PRPS2: variants seen among roughly 807,000 people sequenced by gnomAD.
PRPS2 encodes phosphoribosyl pyrophosphate synthetase 2.
For missense variants in PRPS2, 104 were observed against 271.5 expected, an observed-to-expected ratio of 0.38 and a Z score of 4.34; for synonymous variants, 111 against 115.3, an observed-to-expected ratio of 0.96 and a Z score of 0.24.
intron 4 of PRPS2, among the ~76,000 whole-genome samples, chrX:12,811,541 A>G (rs777772141): frequency 2.9e-4 from 32 of 111,770 alleles, no homozygotes; most frequent in Non-Finnish European, 5.7e-4. Context: ...TTGTGTAGGT[A>G]GAGACCTCCA....
chrX:12,820,559 C>G, intron 5 of PRPS2, 85 bp from the exon 6 acceptor site: 1 of 1,002,512 alleles, frequency 1.0e-6, no homozygotes, highest in East Asian at 3.1e-5. Flanking sequence ...ACGGAGCACA[C>G]TTTGTGCTTT....
chrX:12,794,206 GA>G (rs1459096671), intron 1 of PRPS2, among the ~76,000 whole-genome samples: 2 of 112,493 alleles, frequency 1.8e-5, no homozygotes, highest in South Asian at 3.7e-4. Flanking sequence ...GGTCACAGCT[GA>G]GGCGGCTAAC....
intron 4 of PRPS2, among the ~76,000 whole-genome samples, chrX:12,816,650 A>G (rs926707834): frequency 2.7e-5 from 3 of 111,185 alleles, no homozygotes; most frequent in African/African-American, 9.8e-5. Flanking sequence ...CATTATTATT[A>G]TTTTGGTTTT....
intron 2 of PRPS2, among the ~76,000 whole-genome samples, chrX:12,804,896 C>T (rs1289403370): frequency 9.0e-6 from 1 of 110,863 alleles, no homozygotes; most frequent in African/African-American, 3.3e-5. Context: ...GCTGTATTAC[C>T]TATGACATCT....
chrX:12,809,437 A>AT, intron 3 of PRPS2, 105 bp downstream of exon 3: 1 of 818,462 alleles, frequency 1.2e-6, no homozygotes, highest in Non-Finnish European at 1.7e-6. Flanking sequence ...ACTCTCTTGG[A>AT]TTTTTGTCTT....
intron 2 of PRPS2, among the ~76,000 whole-genome samples, chrX:12,807,865 C>CTTT (rs66529320): frequency 3.5e-5 from 2 of 56,842 alleles, no homozygotes; most frequent in Non-Finnish European, 6.1e-5. Context: ...ACATGCATAC[C>CTTT]TTTTTTTTTT....
rs145263759 is a variant in PRPS2, at chrX:12,820,740, G to A, written c.801G>A (p.Glu267=). Residue 267 remains glutamate (E), a synonymous_variant, in exon 6 of 7, where the codon GAG becomes GAA. Transcript: ENST00000380668. ...AISRINNAAF[E]AVVVTNTIPQ... ...CCAGAATAAATAATGCCGCCTTTGA[G>A]GCTGTTGTCGTCACAAACACAATTC... 8.3e-7 allele frequency: 1 copy of A among 1,209,569 alleles called. No homozygotes were observed. Among genetic ancestry groups the A allele is most frequent in the Non-Finnish European group, 1.1e-6 (1 of 895,229 alleles).
intron 4 of PRPS2, among the ~76,000 whole-genome samples, chrX:12,814,093 T>C (rs750191583): frequency 1.0e-5 from 1 of 100,433 alleles, no homozygotes; most frequent in South Asian, 5.7e-4. Flanking sequence ...GTCTAGTTTT[T>C]CCAAAACTAT....
rs749977692 is a variant in PRPS2, at chrX:12,799,185, G to A, written c.123-22G>A. The A allele has an allele frequency of 2.4e-5, 29 of 1,203,225 alleles. No individual in the cohort carries two copies. The Admixed American group carries it at 3.5e-4, about 15-fold the overall frequency. On this transcript the variant is annotated intron_variant, in intron 1 of 6. Coordinates refer to ENST00000380668, the MANE Select transcript of PRPS2 (RefSeq NM_002765.5). The stretch of plus-strand genomic sequence containing the variant: ...ATGCAAATATGCTTCGATATTAACC[G>A]ATGGCAGTTTTCTTTTCCTAGCGTG...
chrX:12,822,517 A>G (rs747715627), intron 6 of PRPS2, among the ~76,000 whole-genome samples, 187 bp from the exon 7 acceptor site: 1 of 112,403 alleles, frequency 8.9e-6, no homozygotes, highest in African/African-American at 3.2e-5. Context: ...GTCTGGTTCA[A>G]CGGGTTGTAA....
chrX:12,798,311 G>A (rs2042553824), intron 1 of PRPS2, among the ~76,000 whole-genome samples: 1 of 112,806 alleles, frequency 8.9e-6, no homozygotes, highest in Admixed American at 9.4e-5. Context: ...AATCTTTAAT[G>A]TGAATATTGA....
Position 12,816,127 on chromosome X carries a change from T to C in PRPS2, c.531-3380T>C, listed in dbSNP as rs143904119. Among the ~76,000 whole-genome samples the C allele has an allele frequency of 3.3e-4, 37 of 111,986 alleles. 1 individual carries two copies. Among genetic ancestry groups the C allele is most frequent in the African/African-American group, 1.2e-3 (36 of 30,882 alleles). On this transcript the variant is annotated intron_variant, in intron 4 of 6. Transcript: ENST00000380668. ...AAGAATGAGTGTTTTAAGGGTAGGA[T>C]GAGTGTTCTAAGGGTAGGAGAAACA...
intron 6 of PRPS2, among the ~76,000 whole-genome samples, chrX:12,821,452 G>C (rs957244504): frequency 1.6e-4 from 17 of 109,179 alleles, no homozygotes; most frequent in African/African-American, 5.0e-4. Context: ...GTCTGGGGGT[G>C]GGGGGGGCAG....
intron 1 of PRPS2, among the ~76,000 whole-genome samples, chrX:12,792,480 T>TGGTGGAGCCTGAGGTGGCCATCCTCA (rs2042524824): frequency 8.9e-6 from 1 of 112,045 alleles, no homozygotes; most frequent in South Asian, 3.7e-4. Context: ...GAGCCTCAGG[T>TGGTGGAGCCTGAGGTGGCCATCCTCA]GGTGGCCATC....
intron 1 of PRPS2, among the ~76,000 whole-genome samples, chrX:12,796,099 T>TAGA (rs1194154776): frequency 9.0e-6 from 1 of 111,673 alleles, no homozygotes; most frequent in Non-Finnish European, 1.9e-5. Flanking sequence ...CAGGCTGGAC[T>TAGA]AGAACTCCTG....
chrX:12,808,155 C>T (rs991088890), intron 2 of PRPS2, among the ~76,000 whole-genome samples: 1 of 111,240 alleles, frequency 9.0e-6, no homozygotes, highest in Admixed American at 9.6e-5. Flanking sequence ...GCGTGAGCCA[C>T]CGCGCCCCAT....
At chrX:12,804,181 A>G (rs1214542907) in intron 2 of PRPS2, among the ~76,000 whole-genome samples, 2 of 109,108 alleles carry the variant, frequency 1.8e-5, no homozygotes, top group African/African-American at 3.3e-5. Flanking sequence ...TCGCTCTGTC[A>G]CCCAGGCTGG....
At chrX:12,820,557 C>T in intron 5 of PRPS2, 87 bp from the exon 6 acceptor site, 1 of 991,268 alleles carries the variant, frequency 1.0e-6, no homozygotes, top group Non-Finnish European at 1.4e-6. Flanking sequence ...TTACGGAGCA[C>T]ACTTTGTGCT....
At chrX:12,798,957 C>T (rs1359747648) in intron 1 of PRPS2, among the ~76,000 whole-genome samples, 2 of 111,835 alleles carry the variant, frequency 1.8e-5, no homozygotes, top group African/African-American at 6.5e-5. Flanking sequence ...TAAGCTCTAC[C>T]TCTGACTCCC....
Sources: gnomAD v4.1 joint callset for allele counts (sites outside exome capture counted in the v4.1 genomes callset) on GRCh38, gnomAD v4.1.1 for gene constraint, MANE v1.5 for transcripts, NCBI Gene and HGNC (gene_info 2026-07-23, HGNC 2026-07-21) for gene names.